The following RBFOX1 variants were observed in gnomAD, a reference collection of about 807,000 sequenced individuals.
The protein encoded by RBFOX1 is RNA binding fox-1 homolog 1.
Under a neutral mutation model 57.7 loss-of-function variants are expected in RBFOX1, and 8 were observed. That is an observed-to-expected ratio of 0.14 (90% CI 0.08 to 0.25). RBFOX1 has a LOEUF of 0.25. RBFOX1 is among the 10% of genes least tolerant of loss of function. The probability of loss-of-function intolerance (pLI) is 1.00; values close to 1 mark genes in which losing one functional copy is unlikely to be tolerated. For missense variants in RBFOX1, 611 were observed against 548.5 expected, an observed-to-expected ratio of 1.11 and a Z score of -1.14; for synonymous variants, 326 against 222.4, an observed-to-expected ratio of 1.47 and a Z score of -4.15.
chr16:7,406,588 T>A (rs995680185), intron 4 of RBFOX1, among the ~76,000 whole-genome samples: 25 of 152,294 alleles, frequency 1.6e-4, no homozygotes, highest in Admixed American at 1.6e-3. Context: ...ATACAAACTT[T>A]CCGGAATCCA....
At chr16:6,767,947 T>TAATAAGAAGAAGAAG (rs1410744665) in intron 3 of RBFOX1, among the ~76,000 whole-genome samples, 100 of 101,034 alleles carry the variant, frequency 9.9e-4, no homozygotes, top group African/African-American at 2.2e-3. Flanking sequence ...ATAATAATAA[T>TAATAAGAAGAAGAAG]AAGAAGAAGA....
At chr16:6,424,620 C>CGTGTGTGTGTGTGTGTGT (rs143990992) in intron 2 of RBFOX1, among the ~76,000 whole-genome samples, 41,296 of 150,504 alleles carry the variant, frequency 0.27, 6,087 homozygotes, top group Middle Eastern at 0.36. Flanking sequence ...TGTGTGTGTG[C>CGTGTGTGTGTGTGTGTGT]GTGTGTGTGA....
exon 3 of RBFOX1, chr16:5,598,909 A>G (rs567724135): frequency 9.2e-6 from 14 of 1,523,624 alleles, no homozygotes; most frequent in Non-Finnish European, 1.2e-5. Flanking sequence ...CAGGACTACA[A>G]GTCTGAAAAT....
At chr16:5,845,666 A>C (rs1396086805) in intron 3 of RBFOX1, among the ~76,000 whole-genome samples, 1 of 152,202 alleles carries the variant, frequency 6.6e-6, no homozygotes, top group Admixed American at 6.5e-5. Context: ...GTGGTTACTT[A>C]AATGTAAATT....
At chr16:6,057,825 G>T (rs1471832785) in intron 1 of RBFOX1, among the ~76,000 whole-genome samples, 6 of 81,100 alleles carry the variant, frequency 7.4e-5, no homozygotes, top group Middle Eastern at 9.3e-3. Flanking sequence ...TTTGCTATGG[G>T]TTTTTTTTTT....
chr16:6,012,727 G>C (rs960803642), intron 4 of RBFOX1, among the ~76,000 whole-genome samples: 1 of 152,130 alleles, frequency 6.6e-6, no homozygotes, highest in African/African-American at 2.4e-5. Flanking sequence ...GGATGTTACT[G>C]GTCCTTTATT....
At chr16:7,597,457 G>A in intron 9 of RBFOX1, 26 bp downstream of exon 9, 1 of 1,547,966 alleles carries the variant, frequency 6.5e-7, no homozygotes, top group Non-Finnish European at 8.9e-7. Context: ...CCTTTTACAA[G>A]AAATTCTCTC....
chr16:5,371,735 A>C (rs2065861350), intron 1 of RBFOX1, among the ~76,000 whole-genome samples: 1 of 152,150 alleles, frequency 6.6e-6, no homozygotes, highest in Non-Finnish European at 1.5e-5. Context: ...GGTGAGGGTG[A>C]CCGGCATTTC....
intron 2 of RBFOX1, among the ~76,000 whole-genome samples, chr16:6,410,667 C>G (rs1445742639): frequency 6.6e-6 from 1 of 152,128 alleles, no homozygotes; most frequent in Non-Finnish European, 1.5e-5. Flanking sequence ...CGGAAGCACA[C>G]TGATGTTGCT....
intron 4 of RBFOX1, among the ~76,000 whole-genome samples, chr16:7,199,505 A>G (rs1447982145): frequency 6.6e-6 from 1 of 152,182 alleles, no homozygotes; most frequent in Non-Finnish European, 1.5e-5. Context: ...ACAGCCAAAC[A>G]CCTGTCATTG....
intron 1 of RBFOX1, among the ~76,000 whole-genome samples, chr16:6,296,972 A>C (rs113983531): frequency 8.5e-5 from 13 of 152,212 alleles, no homozygotes; most frequent in Admixed American, 4.6e-4. Context: ...CCCAAGGGCT[A>C]CTGGTTGCCC....
intron 1 of RBFOX1, among the ~76,000 whole-genome samples, chr16:6,040,649 C>T (rs2095426632): frequency 6.6e-6 from 1 of 151,820 alleles, no homozygotes; most frequent in Non-Finnish European, 1.5e-5. Flanking sequence ...AGCTGGAGTG[C>T]TGTGGTGCAG....
intron 4 of RBFOX1, among the ~76,000 whole-genome samples, chr16:7,139,848 G>C (rs1184913251): frequency 6.6e-6 from 1 of 152,046 alleles, no homozygotes; most frequent in Admixed American, 6.6e-5. Flanking sequence ...TAAGGAATGA[G>C]GAATTGAGGA....
Position 5,635,464 on chromosome 16 carries a change from G to A in RBFOX1, c.318+36503G>A, listed in dbSNP as rs142913567. Among the ~76,000 whole-genome samples, 854 of 152,306 alleles carry A rather than the reference G, an allele frequency of 5.6e-3. 27 individuals carry two copies. The highest frequency in any genetic ancestry group is 0.048 in the Admixed American group (733 of 15,306). On this transcript the variant is annotated intron_variant, in intron 3 of 19. Transcript: ENST00000641259. ...AGTTAAAGAGAATGAAACTAGGGCCGGGGACTGGAGGGGCTTCATTGATTA... is the reference window on the plus strand; with the variant it reads ...AGTTAAAGAGAATGAAACTAGGGCCAGGGACTGGAGGGGCTTCATTGATTA...
At chr16:6,483,118 T>C (rs186401538) in intron 2 of RBFOX1, 1 of 1,033,716 alleles carries the variant, frequency 9.7e-7, no homozygotes, top group Non-Finnish European at 1.2e-6. Context: ...AGCCCCAGTA[T>C]CCACTGCCTT....
intron 3 of RBFOX1, among the ~76,000 whole-genome samples, chr16:5,724,286 G>T (rs1198900978): frequency 1.3e-5 from 2 of 152,198 alleles, no homozygotes; most frequent in Non-Finnish European, 2.9e-5. Context: ...CTGAGCCAGG[G>T]CCCTTGCGCA....
intron 11 of RBFOX1, among the ~76,000 whole-genome samples, chr16:7,635,046 C>T (rs2061542356): frequency 6.6e-6 from 1 of 152,202 alleles, no homozygotes. Flanking sequence ...CAGTGGTCAG[C>T]CTGCTCCTCT....
chr16:7,238,489 G>C (rs904074731), intron 4 of RBFOX1, among the ~76,000 whole-genome samples: 2 of 151,674 alleles, frequency 1.3e-5, no homozygotes, highest in Non-Finnish European at 2.9e-5. Context: ...TATTTACTTA[G>C]TACTTTTTCC....
At chr16:5,572,416 G>C (rs1406712490) in intron 2 of RBFOX1, among the ~76,000 whole-genome samples, 1 of 152,254 alleles carries the variant, frequency 6.6e-6, no homozygotes, top group African/African-American at 2.4e-5. Flanking sequence ...TCTCAATCTT[G>C]GCGCTGTTAA....
Sources: allele counts gnomAD v4.1 joint callset (sites outside exome capture counted in the v4.1 genomes callset), GRCh38; gene constraint gnomAD v4.1.1; transcripts MANE v1.5; gene names NCBI Gene and HGNC (gene_info 2026-07-23, HGNC 2026-07-21).